ATP6V1E1: variants seen among roughly 807,000 people sequenced by gnomAD.
ATP6V1E1 encodes V-type proton ATPase subunit E 1.
ATP6V1E1 carries 21 observed loss-of-function variants against 35.2 expected under a neutral mutation model. That is an observed-to-expected ratio of 0.60 (90% CI 0.42 to 0.86). The LOEUF (loss-of-function observed/expected upper bound fraction) is 0.86. Ranked by LOEUF, ATP6V1E1 falls within the 40% of genes least tolerant of loss-of-function variation. The probability of loss-of-function intolerance (pLI) is 0.00; values close to 1 mark genes in which losing one functional copy is unlikely to be tolerated. For missense variants in ATP6V1E1, 183 were observed against 272.6 expected (o/e 0.67, Z 2.32); for synonymous variants, 83 against 87.8 (o/e 0.95, Z 0.30).
At position 17,598,340 on chromosome 22, in the gene ATP6V1E1, A is replaced by G. The variant is rs760336848; in HGVS notation, c.436-52T>C. 7.1e-6 allele frequency: 10 copies of G among 1,413,876 alleles called. No homozygotes were observed. In the Admixed American group the frequency reaches 1.5e-4, roughly 22 times the overall value. 87.6% of individuals were successfully genotyped at this position (1,413,876 alleles called of 1,614,324 possible). On this transcript the variant is annotated intron_variant, in intron 6 of 8. Transcript: ENST00000253413. ...TGTCACTAGGAACTATGAAGCAAGT[A>G]TCCAAAAACTCAACAGACTATACAA...
intron 8 of ATP6V1E1, among the ~76,000 whole-genome samples, chr22:17,593,682 G>A (rs1406483316): frequency 6.6e-6 from 1 of 152,188 alleles, no homozygotes; most frequent in South Asian, 2.1e-4. Context: ...AAAAAATCAA[G>A]GTGAAAGTGC....
chr22:17,592,608 C>T lies in ATP6V1E1; in HGVS notation c.*66G>A. 11 of 1,507,988 alleles carry T rather than the reference C, an allele frequency of 7.3e-6. No homozygotes were observed. The highest frequency in any genetic ancestry group is 1.0e-5 in the Non-Finnish European group (11 of 1,084,190). The allele number at this position is 1,507,988 out of a possible 1,614,324, so 93.4% of individuals were successfully genotyped here. On this transcript the variant is annotated 3_prime_UTR_variant, in exon 9 of 9. Coordinates refer to ENST00000253413, the MANE Select transcript of ATP6V1E1 (RefSeq NM_001696.4). ...GGAAGCTACAGAGACATTCGTGTTTCTTCAAATATCAGAAGCTTCCACATC... is the reference window on the plus strand; with the variant it reads ...GGAAGCTACAGAGACATTCGTGTTTTTTCAAATATCAGAAGCTTCCACATC...
chr22:17,623,559 T>A (rs1459963124), intron 1 of ATP6V1E1, among the ~76,000 whole-genome samples: 1 of 151,606 alleles, frequency 6.6e-6, no homozygotes, highest in East Asian at 1.9e-4. Flanking sequence ...CAATCCTAGC[T>A]ACTCAGGAGG....
chr22:17,622,197 TTTTG>T (rs1405487724), intron 1 of ATP6V1E1, among the ~76,000 whole-genome samples: 1 of 152,202 alleles, frequency 6.6e-6, no homozygotes, highest in Non-Finnish European at 1.5e-5. Flanking sequence ...CATTAATTCA[TTTTG>T]TTTATTAATT....
At chr22:17,625,975 C>A (rs1425836458) in intron 1 of ATP6V1E1, among the ~76,000 whole-genome samples, 1 of 151,790 alleles carries the variant, frequency 6.6e-6, no homozygotes, top group Non-Finnish European at 1.5e-5. Flanking sequence ...CTACTTGGTG[C>A]CAAACACCGT....
rs530655319 is a variant in ATP6V1E1, at chr22:17,618,293, T to C, written c.99+1168A>G. 5.3e-4 allele frequency among the ~76,000 whole-genome samples: 81 copies of C among 152,330 alleles called. 1 individual carries two copies. In the South Asian group the frequency reaches 5.8e-3, roughly 11 times the overall value. On this transcript the variant is annotated intron_variant, in intron 2 of 8. Transcript: ENST00000253413. ...CTAACATAAAATTTCAGGACACTTA[T>C]TGGCATCACAACCATTAGAAAGGAA... is the stretch of plus-strand genomic sequence containing the variant.
chr22:17,597,459 C>G (rs376758036), intron 7 of ATP6V1E1, among the ~76,000 whole-genome samples: 27 of 152,080 alleles, frequency 1.8e-4, no homozygotes, highest in African/African-American at 6.5e-4. Flanking sequence ...ACCACTCATA[C>G]TTGCAATTCT....
At position 17,613,734 on chromosome 22, in the gene ATP6V1E1, G is replaced by A. The variant is rs535199437; in HGVS notation, c.100-414C>T. 9.9e-5 allele frequency among the ~76,000 whole-genome samples: 15 copies of A among 151,630 alleles called. No homozygotes were observed. The East Asian group carries it at 2.8e-3, about 28-fold the overall frequency. On this transcript the variant is annotated intron_variant, in intron 2 of 8. Transcript: ENST00000253413. ...TATAATCCCAATACTTTGGGAGGCC[G>A]AGGCGGGTGGATCACGAGGTCAGGA...
At chr22:17,593,942 C>T (rs1053264694) in intron 8 of ATP6V1E1, among the ~76,000 whole-genome samples, 2 of 152,138 alleles carry the variant, frequency 1.3e-5, no homozygotes, top group Non-Finnish European at 2.9e-5. Context: ...GTGGCTCACA[C>T]CTGTAATCCC....
chr22:17,626,236 A>G (rs1241881512), intron 1 of ATP6V1E1, among the ~76,000 whole-genome samples: 1 of 137,786 alleles, frequency 7.3e-6, no homozygotes, highest in Non-Finnish European at 1.5e-5. Context: ...TGAACCCAGG[A>G]GGTGGAGCTT....
At chr22:17,599,098 G>A (rs1387504583) in intron 6 of ATP6V1E1, among the ~76,000 whole-genome samples, 2 of 152,108 alleles carry the variant, frequency 1.3e-5, no homozygotes, top group Non-Finnish European at 2.9e-5. Flanking sequence ...TATATGAGGT[G>A]AATGGGGGAG....
chr22:17,624,687 G>A (rs933699737), intron 1 of ATP6V1E1, among the ~76,000 whole-genome samples: 1 of 152,082 alleles, frequency 6.6e-6, no homozygotes, highest in Non-Finnish European at 1.5e-5. Flanking sequence ...CGGGTGTGGT[G>A]ACATACGCCT....
intron 4 of ATP6V1E1, among the ~76,000 whole-genome samples, chr22:17,607,927 A>G (rs1290440811): frequency 6.6e-6 from 1 of 152,288 alleles, no homozygotes; most frequent in African/African-American, 2.4e-5. Flanking sequence ...CCTTCTAATT[A>G]GACCCTAATA....
chr22:17,600,052 C>T lies in ATP6V1E1; in HGVS notation c.410G>A (p.Arg137Lys). The change falls in exon 6 of 9, where the codon AGG becomes AAG. Residue 137 changes from arginine to lysine, a missense_variant. Arg to Lys is a conservative substitution (Grantham distance 26). Transcript: ENST00000253413. ...CTTTACCAGAGGGAAATCTTGTTTC[C>T]TGCAACGAACAATCATTCGGGGCTC... ...LLEPRMIVRC[R>K]KQDFPLVKAA... The T allele has an allele frequency of 6.2e-7, 1 of 1,613,862 alleles. No individual in the cohort carries two copies. Among genetic ancestry groups the T allele is most frequent in the Non-Finnish European group, 8.5e-7 (1 of 1,179,878 alleles).
intron 4 of ATP6V1E1, 111 bp from the exon 5 acceptor site, chr22:17,601,292 G>A: frequency 2.5e-6 from 2 of 810,446 alleles, no homozygotes; most frequent in Non-Finnish European, 3.9e-6. Context: ...TTTATTGCTG[G>A]ATTTTCATTC....
chr22:17,614,299 G>A (rs938965495), intron 2 of ATP6V1E1, among the ~76,000 whole-genome samples: 5 of 151,848 alleles, frequency 3.3e-5, no homozygotes, highest in South Asian at 2.1e-4. Flanking sequence ...GCAGTGAGCC[G>A]AGATCGTGCC....
At chr22:17,603,107 A>G (rs5992758) in intron 4 of ATP6V1E1, among the ~76,000 whole-genome samples, 52,575 of 151,550 alleles carry the variant, frequency 0.35, 9,384 homozygotes, top group African/African-American at 0.41. Context: ...GCGCCACCTC[A>G]CCCAGCTAAT....
At chr22:17,619,948 G>C (rs1162871891) in intron 1 of ATP6V1E1, among the ~76,000 whole-genome samples, 4 of 152,134 alleles carry the variant, frequency 2.6e-5, no homozygotes, top group Non-Finnish European at 5.9e-5. Flanking sequence ...TTCTCCACCT[G>C]TAAGAAAGTA....
In ATP6V1E1 at chr22:17,592,518, A is replaced by G. The variant is rs2057708123; in HGVS notation, c.*156T>C. On this transcript the variant is annotated 3_prime_UTR_variant, in exon 9 of 9. Transcript: ENST00000253413. Reference sequence around the variant, plus strand: ...AAGCTTTCCACCATTGTGAACAATTAGGCAAGGCATGAGTGACAGAGGGGC... The same window carrying G: ...AAGCTTTCCACCATTGTGAACAATTGGGCAAGGCATGAGTGACAGAGGGGC... The G allele has an allele frequency of 3.9e-6, 3 of 759,896 alleles. No homozygotes were observed. The highest frequency in any genetic ancestry group is 6.6e-6 in the Non-Finnish European group (3 of 454,472). 47.1% of individuals were successfully genotyped at this position (759,896 alleles called of 1,614,324 possible).
Sources: allele counts gnomAD v4.1 joint callset (sites outside exome capture counted in the v4.1 genomes callset), GRCh38; gene constraint gnomAD v4.1.1; transcripts MANE v1.5; gene names NCBI Gene and HGNC (gene_info 2026-07-23, HGNC 2026-07-21).